The following NRG3 variants were observed in gnomAD, a reference collection of about 807,000 sequenced individuals.
NRG3 encodes pro-neuregulin-3, membrane-bound isoform.
NRG3 carries 31 observed loss-of-function variants against 66.9 expected under a neutral mutation model. The ratio of observed to expected loss-of-function variants is 0.46; its 90% CI spans 0.35 to 0.63. The LOEUF (loss-of-function observed/expected upper bound fraction) is 0.63. Ranked by LOEUF, NRG3 falls within the 20% of genes least tolerant of loss-of-function variation. The pLI is 0.00. For synonymous variants in NRG3, 393 were observed against 359.4 expected, an observed-to-expected ratio of 1.09 and a Z score of -1.06; for missense variants, 910 against 878.9, an observed-to-expected ratio of 1.04 and a Z score of -0.45.
chr10:82,101,076 A>G (rs1421292006), intron 1 of NRG3, among the ~76,000 whole-genome samples: 2 of 151,994 alleles, frequency 1.3e-5, no homozygotes, highest in African/African-American at 4.8e-5. Flanking sequence ...AATTTGCCTC[A>G]CTCAAGGAAT....
At chr10:82,421,724 C>T (rs2089092068) in intron 2 of NRG3, among the ~76,000 whole-genome samples, 1 of 152,076 alleles carries the variant, frequency 6.6e-6, no homozygotes, top group Non-Finnish European at 1.5e-5. Context: ...TCTGCATCTG[C>T]TTGCTCCTTT....
intron 1 of NRG3, among the ~76,000 whole-genome samples, chr10:81,976,704 C>T (rs1417478157): frequency 6.6e-6 from 1 of 152,164 alleles, no homozygotes; most frequent in Non-Finnish European, 1.5e-5. Context: ...TGTTCTAAGG[C>T]GTCCAGAGCA....
intron 2 of NRG3, among the ~76,000 whole-genome samples, chr10:82,508,239 G>A (rs745906316): frequency 2.0e-5 from 3 of 152,248 alleles, no homozygotes; most frequent in Admixed American, 6.5e-5. Context: ...TCATACATGC[G>A]TTTAGAACAG....
At chr10:82,486,243 G>T (rs1842667018) in intron 2 of NRG3, among the ~76,000 whole-genome samples, 1 of 152,096 alleles carries the variant, frequency 6.6e-6, no homozygotes, top group Non-Finnish European at 1.5e-5. Context: ...ACTGAAAACA[G>T]TATGAATGTT....
At chr10:82,707,577 A>G (rs1166234923) in intron 2 of NRG3, among the ~76,000 whole-genome samples, 2 of 150,484 alleles carry the variant, frequency 1.3e-5, no homozygotes, top group African/African-American at 4.9e-5. Flanking sequence ...TTGTTTTTGT[A>G]GAGACAGGGA....
At chr10:82,935,470 T>C (rs1847973802) in intron 4 of NRG3, among the ~76,000 whole-genome samples, 2 of 152,196 alleles carry the variant, frequency 1.3e-5, no homozygotes, top group Non-Finnish European at 2.9e-5. Context: ...CTTTACCATA[T>C]GACAGAATAT....
chr10:81,891,886 A>C (rs1174835041), intron 1 of NRG3, among the ~76,000 whole-genome samples: 1 of 151,996 alleles, frequency 6.6e-6, no homozygotes, highest in Non-Finnish European at 1.5e-5. Flanking sequence ...TTGAGATTAG[A>C]ATCTTAGTGG....
In NRG3 at chr10:82,720,822, T is replaced by C. The variant is rs975219526; in HGVS notation, c.954-17755T>C. On this transcript the variant is annotated intron_variant, in intron 2 of 8. Transcript: ENST00000372141. ...GGAGTATTTTATACATATATATATATATATATATATATATATATATCACCC... is the reference window on the plus strand; with the variant it reads ...GGAGTATTTTATACATATATATATACATATATATATATATATATATCACCC... Among the ~76,000 whole-genome samples, 8 of 126,402 alleles carry C rather than the reference T, an allele frequency of 6.3e-5. 1 individual carries two copies. Among genetic ancestry groups the C allele is most frequent in the African/African-American group, 1.9e-4 (5 of 26,856 alleles). 82.9% of individuals were successfully genotyped at this position (126,402 alleles called of 152,430 possible).
At chr10:82,933,093 A>T (rs1847737910) in intron 4 of NRG3, among the ~76,000 whole-genome samples, 2 of 152,166 alleles carry the variant, frequency 1.3e-5, no homozygotes, top group Non-Finnish European at 2.9e-5. Context: ...AAATTTTCTC[A>T]GATTTTGAGC....
intron 2 of NRG3, among the ~76,000 whole-genome samples, chr10:82,737,809 G>A (rs2058228586): frequency 2.0e-5 from 3 of 152,170 alleles, no homozygotes; most frequent in Admixed American, 1.3e-4. Flanking sequence ...GACCCGACAG[G>A]GGCCTGGCAG....
rs1268026504 is a variant in NRG3, at chr10:82,492,853, A to G, written c.953+133985A>G. ...GTGATCTCTCTAATGTTAGGCACCA[A>G]GGTCCACTTCACTATTTTACAGACA... On this transcript the variant is annotated intron_variant, in intron 2 of 8. Transcript: ENST00000372141. Among the ~76,000 whole-genome samples, 7 of 152,238 alleles carry G rather than the reference A, an allele frequency of 4.6e-5. No individual in the cohort carries two copies. In the South Asian group the frequency reaches 8.3e-4, roughly 18 times the overall value.
chr10:82,254,160 T>C (rs1317725035), intron 1 of NRG3, among the ~76,000 whole-genome samples: 1 of 152,254 alleles, frequency 6.6e-6, no homozygotes, highest in Non-Finnish European at 1.5e-5. Context: ...CTTATATTTT[T>C]AAATTCTATC....
At chr10:82,819,271 G>A (rs1410012845) in intron 3 of NRG3, among the ~76,000 whole-genome samples, 2 of 152,202 alleles carry the variant, frequency 1.3e-5, no homozygotes, top group African/African-American at 4.8e-5. Flanking sequence ...TAAAGCCAAT[G>A]CTATGTCAAC....
chr10:82,249,769 T>A (rs1466018332), intron 1 of NRG3, among the ~76,000 whole-genome samples: 1 of 152,222 alleles, frequency 6.6e-6, no homozygotes, highest in Non-Finnish European at 1.5e-5. Flanking sequence ...AGAACACTAC[T>A]GGCTTTTGCA....
intron 1 of NRG3, among the ~76,000 whole-genome samples, chr10:82,340,394 T>C (rs2082625443): frequency 6.6e-6 from 1 of 152,188 alleles, no homozygotes; most frequent in Non-Finnish European, 1.5e-5. Context: ...AGTTAGCCAA[T>C]GCATAAGCAG....
intron 3 of NRG3, among the ~76,000 whole-genome samples, chr10:82,750,486 G>A (rs1190330251): frequency 3.3e-5 from 5 of 152,038 alleles, no homozygotes; most frequent in Non-Finnish European, 7.4e-5. Flanking sequence ...GAGACACAGG[G>A]TTCTGAATTT....
At chr10:82,977,384 G>A (rs1852375812) in intron 7 of NRG3, among the ~76,000 whole-genome samples, 1 of 152,028 alleles carries the variant, frequency 6.6e-6, no homozygotes. Flanking sequence ...CTAGGTGGGT[G>A]GATCACCTGA....
intron 3 of NRG3, among the ~76,000 whole-genome samples, chr10:82,773,055 A>G (rs1334197198): frequency 6.6e-6 from 1 of 152,046 alleles, no homozygotes; most frequent in Non-Finnish European, 1.5e-5. Flanking sequence ...ACATGGAGTG[A>G]AGATATCTTT....
chr10:81,888,537 A>G (rs1226414750), intron 1 of NRG3, among the ~76,000 whole-genome samples: 1 of 152,188 alleles, frequency 6.6e-6, no homozygotes, highest in African/African-American at 2.4e-5. Flanking sequence ...ATATGAGGCC[A>G]TTTCAGAAAG....
Sources: allele counts gnomAD v4.1 joint callset (sites outside exome capture counted in the v4.1 genomes callset), GRCh38; gene constraint gnomAD v4.1.1; transcripts MANE v1.5; gene names NCBI Gene and HGNC (gene_info 2026-07-23, HGNC 2026-07-21).